KCTD5: variants seen among roughly 807,000 people sequenced by gnomAD.
The protein encoded by KCTD5 is BTB/POZ domain-containing protein KCTD5.
A neutral mutation model predicts 27.9 loss-of-function variants in KCTD5; 12 were observed. That is an observed-to-expected ratio of 0.43 (90% CI 0.28 to 0.70). The LOEUF (loss-of-function observed/expected upper bound fraction) is 0.70. Among genes scored for constraint, KCTD5 ranks in the 30% least tolerant of loss-of-function variants. KCTD5 has a pLI of 0.19. For synonymous variants in KCTD5, 147 were observed against 121.4 expected (o/e 1.21, Z -1.39); for missense variants, 226 against 274.8 (o/e 0.82, Z 1.26).
At chr16:2,704,676 G>A (rs778770252) in intron 5 of KCTD5, among the ~76,000 whole-genome samples, 5 of 152,202 alleles carry the variant, frequency 3.3e-5, no homozygotes, top group African/African-American at 9.7e-5. Flanking sequence ...TGGTGGTGTT[G>A]GGGCTCCATT....
rs1596223912 is a variant in KCTD5, at chr16:2,698,011, C to T, written c.453+14C>T. ...AAAACATCGCAGGTGAGACAAATGA[C>T]TGAGGCTGGAAGCTTGTATGGCTGG... is the stretch of plus-strand genomic sequence containing the variant. On this transcript the variant is annotated intron_variant, in intron 3 of 5. Coordinates refer to ENST00000301738, the MANE Select transcript of KCTD5 (RefSeq NM_018992.4). The T allele has an allele frequency of 6.3e-7, 1 of 1,586,268 alleles. No individual in the cohort carries two copies. The highest frequency in any genetic ancestry group is 2.2e-5 in the East Asian group (1 of 44,756).
At chr16:2,685,673 GA>G (rs1377547615) in intron 1 of KCTD5, 2 of 148,402 alleles carry the variant, frequency 1.3e-5, no homozygotes, top group Non-Finnish European at 3.0e-5. Flanking sequence ...GGAATCTGAG[GA>G]GGGGGGGAAG....
chr16:2,697,050 A>G (rs1365052894), intron 2 of KCTD5: 2 of 152,336 alleles, frequency 1.3e-5, no homozygotes, highest in African/African-American at 2.4e-5. Flanking sequence ...TCCCGCCCCG[A>G]TGCAGCCACT....
Position 2,708,504 on chromosome 16 carries a change from T to C in KCTD5, c.*1177T>C, listed in dbSNP as rs1053179116. 6.6e-6 allele frequency: 1 copy of C among 152,434 alleles called. No homozygotes were observed. The highest frequency in any genetic ancestry group is 1.9e-4 in the East Asian group (1 of 5,186). 9.4% of individuals were successfully genotyped at this position (152,434 alleles called of 1,614,324 possible). On this transcript the variant is annotated 3_prime_UTR_variant, in exon 6 of 6. Transcript: ENST00000301738. ...GCTCCAAGCGCTTTGCTTCCGGAAC[T>C]CCGGCTTCCCAAGGGGTACTGTGCA... is the stretch of plus-strand genomic sequence containing the variant.
At position 2,682,577 on chromosome 16, in the gene KCTD5, C is replaced by T. The variant is rs774861391; in HGVS notation, c.29C>T (p.Ser10Leu). 1.1e-5 allele frequency: 15 copies of T among 1,415,640 alleles called. No individual in the cohort carries two copies. The East Asian group carries it at 1.6e-4, about 16-fold the overall frequency. 87.7% of individuals were successfully genotyped at this position (1,415,640 alleles called of 1,614,324 possible). MAENHCELL[S>L]PARGGIGAGL... Reference sequence around the variant, plus strand: ...GCGGAGAATCACTGCGAGCTCCTGTCGCCGGCCCGGGGCGGCATCGGGGCG... The same window carrying T: ...GCGGAGAATCACTGCGAGCTCCTGTTGCCGGCCCGGGGCGGCATCGGGGCG... Residue 10 changes from serine to leucine, a missense_variant, in exon 1 of 6, where the codon TCG becomes TTG. Ser to Leu is a moderately radical substitution (Grantham distance 145). Coordinates refer to ENST00000301738, the MANE Select transcript of KCTD5 (RefSeq NM_018992.4).
At chr16:2,705,832 G>A (rs150934849) in intron 5 of KCTD5, among the ~76,000 whole-genome samples, 7 of 152,276 alleles carry the variant, frequency 4.6e-5, no homozygotes, top group East Asian at 1.9e-4. Flanking sequence ...TGCTGCTCCC[G>A]GCCTTGGGAG....
At chr16:2,691,558 A>G (rs562410026) in intron 1 of KCTD5, among the ~76,000 whole-genome samples, 1 of 152,284 alleles carries the variant, frequency 6.6e-6, no homozygotes, top group South Asian at 2.1e-4. Context: ...CAGCCTGGGT[A>G]GGTCCTGCAT....
At chr16:2,704,612 C>T (rs753835706) in intron 5 of KCTD5, among the ~76,000 whole-genome samples, 10 of 152,242 alleles carry the variant, frequency 6.6e-5, no homozygotes, top group Non-Finnish European at 1.3e-4. Flanking sequence ...AGGGCGGGCA[C>T]CTGGGCAGAG....
intron 1 of KCTD5, 76 bp downstream of exon 1, chr16:2,682,876 CGGA>C (rs1206450560): frequency 6.8e-7 from 1 of 1,466,114 alleles, no homozygotes; most frequent in South Asian, 1.4e-5. Flanking sequence ...CTGCTTCGTG[CGGA>C]GGAGACTTCA....
chr16:2,702,969 G>A (rs1167730354), intron 5 of KCTD5, among the ~76,000 whole-genome samples: 1 of 133,134 alleles, frequency 7.5e-6, no homozygotes, highest in African/African-American at 2.9e-5. Context: ...CCTCATCTTT[G>A]TCGAGAGGAG....
chr16:2,701,974 C>G (rs577696398), intron 4 of KCTD5, among the ~76,000 whole-genome samples: 42 of 152,312 alleles, frequency 2.8e-4, no homozygotes, highest in African/African-American at 1.0e-3. Context: ...GTCAGCTGGT[C>G]CCAGGCTCTT....
At chr16:2,688,385 G>C (rs181828478) in intron 1 of KCTD5, among the ~76,000 whole-genome samples, 4 of 151,708 alleles carry the variant, frequency 2.6e-5, no homozygotes, top group African/African-American at 9.7e-5. Context: ...CAAGTAGCTG[G>C]GATTACAGGC....
At chr16:2,697,763 A>T in intron 2 of KCTD5, 143 bp from the exon 3 acceptor site, 1 of 624,452 alleles carries the variant, frequency 1.6e-6, no homozygotes, top group African/African-American at 1.8e-5. Context: ...GAAGCCTGTT[A>T]GGTCGGGGCC....
At chr16:2,703,545 C>G (rs1168478031) in intron 5 of KCTD5, among the ~76,000 whole-genome samples, 1 of 152,188 alleles carries the variant, frequency 6.6e-6, no homozygotes, top group Non-Finnish European at 1.5e-5. Flanking sequence ...ACCAGCAGCC[C>G]AGGACTGTCC....
In KCTD5 at chr16:2,682,554, G is replaced by A. The variant is rs763445930; in HGVS notation, c.6G>A (p.Ala2=). The A allele has an allele frequency of 4.3e-6, 6 of 1,406,548 alleles. No individual in the cohort carries two copies. The highest frequency in any genetic ancestry group is 3.0e-5 in the Admixed American group (1 of 33,160). 87.1% of individuals were successfully genotyped at this position (1,406,548 alleles called of 1,614,324 possible). Residue 2 remains alanine, a synonymous_variant, in exon 1 of 6, where the codon GCG becomes GCA. Transcript: ENST00000301738. ...TTGCGGGGCTTGCTGGGATCATGGC[G>A]GAGAATCACTGCGAGCTCCTGTCGC... is the stretch of plus-strand genomic sequence containing the variant. M[A]ENHCELLSPA...
At chr16:2,687,562 C>T (rs774581641) in intron 1 of KCTD5, among the ~76,000 whole-genome samples, 31 of 152,332 alleles carry the variant, frequency 2.0e-4, no homozygotes, top group Non-Finnish European at 2.9e-4. Flanking sequence ...CATTTGCTTA[C>T]GGATTGTGTG....
intron 2 of KCTD5, among the ~76,000 whole-genome samples, chr16:2,696,732 T>C (rs2067587775): frequency 6.6e-6 from 1 of 152,256 alleles, no homozygotes; most frequent in African/African-American, 2.4e-5. Context: ...GTTTCTGTTC[T>C]GGGCCTCTGG....
At chr16:2,705,630 A>G (rs2067632267) in intron 5 of KCTD5, among the ~76,000 whole-genome samples, 1 of 152,264 alleles carries the variant, frequency 6.6e-6, no homozygotes, top group East Asian at 1.9e-4. Flanking sequence ...TAAGCCTCCC[A>G]GGCCAGCCGT....
At chr16:2,699,750 C>G in intron 3 of KCTD5, 71 bp from the exon 4 acceptor site, 1 of 1,452,740 alleles carries the variant, frequency 6.9e-7, no homozygotes, top group South Asian at 1.1e-5. Context: ...CCCTGGGTCA[C>G]CTGGGCTGGG....
Sources: allele counts gnomAD v4.1 joint callset (sites outside exome capture counted in the v4.1 genomes callset), GRCh38; gene constraint gnomAD v4.1.1; transcripts MANE v1.5; gene names NCBI Gene and HGNC (gene_info 2026-07-23, HGNC 2026-07-21).